The following NRP1 variants were observed in gnomAD, a reference collection of about 807,000 sequenced individuals.
The protein encoded by NRP1 is neuropilin-1.
A neutral mutation model predicts 106.7 loss-of-function variants in NRP1; 35 were observed. The observed-to-expected ratio is 0.33, with a 90% CI of 0.25 to 0.43. The LOEUF is 0.43. Among genes scored for constraint, NRP1 ranks in the 20% least tolerant of loss-of-function variants. The probability of loss-of-function intolerance (pLI) is 1.00; values close to 1 mark genes in which losing one functional copy is unlikely to be tolerated. For missense variants in NRP1, 1,024 were observed against 1,170.4 expected (o/e 0.87, Z 1.83); for synonymous variants, 437 against 417.9 (o/e 1.05, Z -0.56).
intron 2 of NRP1, among the ~76,000 whole-genome samples, chr10:33,295,093 A>G (rs761090278): frequency 6.6e-6 from 1 of 152,230 alleles, no homozygotes; most frequent in Non-Finnish European, 1.5e-5. Flanking sequence ...GAGCACCTAG[A>G]CAGGTACCAT....
intron 2 of NRP1, among the ~76,000 whole-genome samples, chr10:33,302,749 A>C (rs1239504436): frequency 1.3e-5 from 2 of 152,186 alleles, no homozygotes; most frequent in Non-Finnish European, 2.9e-5. Context: ...TCAGAATATG[A>C]AAGAGGGACA....
rs1057331807 is a variant in NRP1 at position 33,213,586 on chromosome 10, C to A, written c.1414G>T (p.Ala472Ser). The change falls in exon 9 of 17, where the codon GCA (alanine) becomes TCA (serine). Residue 472 changes from alanine (A) to serine (S), a missense_variant. By Grantham distance (99) the Ala-to-Ser change is moderately conservative. Around this residue, in one of 5 missense-constraint regions of NRP1, gnomAD observed 562 missense variants for 620.3 expected, o/e 0.91. Coordinates refer to ENST00000374867, the MANE Select transcript of NRP1 (RefSeq NM_003873.7). ...TAGGAATGAGGTGCGGGTGGAAGTG[C>A]CCAGCCAGAGCGACTGGTTACCAGG... Reference protein sequence around the residue: ...IRLVTSRSGWALPPAPHSYIN... With the variant: ...IRLVTSRSGWSLPPAPHSYIN... 2 of 1,614,038 alleles carry A rather than the reference C, an allele frequency of 1.2e-6. No homozygotes were observed. Among genetic ancestry groups the A allele is most frequent in the Non-Finnish European group, 1.7e-6 (2 of 1,180,024 alleles).
chr10:33,284,953 C>T (rs1339523817), intron 2 of NRP1, among the ~76,000 whole-genome samples: 1 of 152,170 alleles, frequency 6.6e-6, no homozygotes, highest in Non-Finnish European at 1.5e-5. Context: ...TAAAAAAATT[C>T]AGGGAGAGAA....
At chr10:33,199,363 T>TCTATATATATATATATATATATATATA (rs57736461) in intron 11 of NRP1, among the ~76,000 whole-genome samples, 1 of 64,502 alleles carries the variant, frequency 1.6e-5, no homozygotes, top group Non-Finnish European at 3.2e-5. Context: ...TGCCTGGCTG[T>TCTATATATATATATATATATATATATA]TTTCTATATA....
At chr10:33,300,791 G>A (rs1015746487) in intron 2 of NRP1, among the ~76,000 whole-genome samples, 1 of 152,024 alleles carries the variant, frequency 6.6e-6, no homozygotes, top group Non-Finnish European at 1.5e-5. Context: ...GAGTTGTCCC[G>A]CCTTTACTTC....
At chr10:33,232,815 G>A (rs1033421176) in intron 6 of NRP1, among the ~76,000 whole-genome samples, 1 of 151,180 alleles carries the variant, frequency 6.6e-6, no homozygotes, top group African/African-American at 2.4e-5. Context: ...GCTAATTTTT[G>A]TATTTTTTTT....
rs995229801 is a variant in NRP1, at chr10:33,237,646, T to C, written c.982-11357A>G. On this transcript the variant is annotated intron_variant, in intron 6 of 16. Coordinates refer to ENST00000374867, the MANE Select transcript of NRP1 (RefSeq NM_003873.7). Reference sequence around the variant, plus strand: ...CCAGGCTGGAGTGCAACGGTGGATCTCAGCTCACTGCAACCTCCACCTCTT... The same window carrying C: ...CCAGGCTGGAGTGCAACGGTGGATCCCAGCTCACTGCAACCTCCACCTCTT... Among the ~76,000 whole-genome samples the C allele has an allele frequency of 2.8e-5, 4 of 144,588 alleles. No individual in the cohort carries two copies. The Admixed American group carries it at 2.9e-4, about 10-fold the overall frequency. 94.9% of individuals were successfully genotyped at this position (144,588 alleles called of 152,430 possible).
At chr10:33,243,329 T>C (rs558115355) in intron 6 of NRP1, among the ~76,000 whole-genome samples, 5 of 152,304 alleles carry the variant, frequency 3.3e-5, no homozygotes, top group African/African-American at 1.2e-4. Flanking sequence ...TATTTATATG[T>C]TCATCTTAGG....
At chr10:33,223,897 C>A (rs1839450812) in intron 7 of NRP1, among the ~76,000 whole-genome samples, 1 of 152,128 alleles carries the variant, frequency 6.6e-6, no homozygotes. Flanking sequence ...GAGTTGTGTG[C>A]CCTGGTGCAG....
At chr10:33,202,397 T>G (rs61760426) in intron 11 of NRP1, 5 of 406,750 alleles carry the variant, frequency 1.2e-5, no homozygotes, top group Non-Finnish European at 2.2e-5. Flanking sequence ...TTTGTAAATG[T>G]TAATGTACAA....
chr10:33,247,407 T>G (rs1841502607), intron 6 of NRP1, among the ~76,000 whole-genome samples: 1 of 152,186 alleles, frequency 6.6e-6, no homozygotes, highest in African/African-American at 2.4e-5. Context: ...GCAATTCAAA[T>G]TTTGAATCAT....
chr10:33,283,674 AC>A (rs1020046758), intron 2 of NRP1, among the ~76,000 whole-genome samples: 2 of 152,130 alleles, frequency 1.3e-5, no homozygotes, highest in African/African-American at 4.8e-5. Flanking sequence ...TGTACAGCAA[AC>A]CTTTAACTAT....
At chr10:33,302,105 A>G (rs1457886653) in intron 2 of NRP1, among the ~76,000 whole-genome samples, 3 of 152,168 alleles carry the variant, frequency 2.0e-5, no homozygotes, top group African/African-American at 7.2e-5. Context: ...AAAATTTCCA[A>G]TTTCTCCAAA....
At chr10:33,334,256 G>C in intron 1 of NRP1, 54 bp downstream of exon 1, 2 of 1,490,100 alleles carry the variant, frequency 1.3e-6, no homozygotes, top group Non-Finnish European at 1.8e-6. Context: ...GGTCCGGGGC[G>C]GGCAGCTGGG....
chr10:33,261,920 G>A (rs1243937865), intron 4 of NRP1, among the ~76,000 whole-genome samples: 1 of 152,084 alleles, frequency 6.6e-6, no homozygotes, highest in Admixed American at 6.5e-5. Flanking sequence ...ATTTTTCGTA[G>A]AGACAGGGTT....
At chr10:33,200,076 A>G (rs893013019) in intron 11 of NRP1, among the ~76,000 whole-genome samples, 2 of 152,202 alleles carry the variant, frequency 1.3e-5, no homozygotes, top group Non-Finnish European at 2.9e-5. Flanking sequence ...TATATGTATT[A>G]TGGGTTAAGA....
chr10:33,319,153 C>T (rs778786619), intron 2 of NRP1, among the ~76,000 whole-genome samples: 17 of 151,308 alleles, frequency 1.1e-4, no homozygotes, highest in African/African-American at 1.7e-4. Context: ...TACAGGCGCC[C>T]GCCACCATGC....
At chr10:33,222,421 T>G (rs1839320411) in intron 7 of NRP1, among the ~76,000 whole-genome samples, 1 of 152,202 alleles carries the variant, frequency 6.6e-6, no homozygotes, top group Non-Finnish European at 1.5e-5. Context: ...TAAAATTATG[T>G]TTTAGTGGTC....
At chr10:33,285,177 T>C (rs181860358) in intron 2 of NRP1, among the ~76,000 whole-genome samples, 153 of 152,336 alleles carry the variant, frequency 1.0e-3, no homozygotes, top group Non-Finnish European at 1.7e-3. Context: ...GGCTGACAAA[T>C]GCACTTAGCT....
Sources: gnomAD v4.1 joint callset for allele counts (sites outside exome capture counted in the v4.1 genomes callset) on GRCh38, gnomAD v4.1.1 for gene constraint, gnomAD v4.1.1 regional missense constraint, MANE v1.5 for transcripts, NCBI Gene and HGNC (gene_info 2026-07-23, HGNC 2026-07-21) for gene names.